Variants in MORC4 observed in about 807,000 individuals in gnomAD.
MORC4 encodes the protein MORC family CW-type zinc finger protein 4.
MORC4 carries 22 observed loss-of-function variants against 65.5 expected under a neutral mutation model. The observed-to-expected ratio is 0.34, with a 90% CI of 0.24 to 0.48. The LOEUF (loss-of-function observed/expected upper bound fraction) is 0.48. MORC4 is among the 20% of genes least tolerant of loss of function. The probability of loss-of-function intolerance (pLI) is 0.99; values close to 1 mark genes in which losing one functional copy is unlikely to be tolerated. For synonymous variants in MORC4, 267 were observed against 255.8 expected, an observed-to-expected ratio of 1.04 and a Z score of -0.42; for missense variants, 624 against 703.0, an observed-to-expected ratio of 0.89 and a Z score of 1.27.
chrX:106,983,768 ATTCCTGGCCTCAAG>A (rs1934796588), intron 5 of MORC4, among the ~76,000 whole-genome samples: 1 of 107,809 alleles, frequency 9.3e-6, no homozygotes, highest in Non-Finnish European at 1.9e-5. Context: ...CTGGTCTCAA[ATTCCTGGCCTCAAG>A]TGATCCTCCT....
intron 5 of MORC4, among the ~76,000 whole-genome samples, chrX:106,984,465 C>CTTTTTTTTTTTTTTTT (rs762110163): frequency 8.4e-5 from 6 of 71,388 alleles, no homozygotes; most frequent in African/African-American, 2.5e-4. Context: ...TTTCTTTTTT[C>CTTTTTTTTTTTTTTTT]TTTTTTTTTT....
chrX:106,983,010 T>C (rs183861621), intron 5 of MORC4, among the ~76,000 whole-genome samples: 2 of 111,608 alleles, frequency 1.8e-5, no homozygotes, highest in East Asian at 5.6e-4. Context: ...CCTTTTGGAT[T>C]TTGAAATATT....
chrX:106,989,553 A>T (rs1934936905), intron 3 of MORC4, among the ~76,000 whole-genome samples: 1 of 111,953 alleles, frequency 8.9e-6, no homozygotes, highest in Admixed American at 9.5e-5. Context: ...TTTTTTCCAA[A>T]TACAAAAGTA....
chrX:106,966,553 T>C (rs1288593550), intron 9 of MORC4, among the ~76,000 whole-genome samples: 1 of 112,644 alleles, frequency 8.9e-6, no homozygotes, highest in African/African-American at 3.2e-5. Context: ...TGAGTGACTG[T>C]ACCTGGAGGA....
intron 9 of MORC4, among the ~76,000 whole-genome samples, chrX:106,966,807 A>C (rs1375325142): frequency 8.9e-6 from 1 of 112,645 alleles, no homozygotes; most frequent in African/African-American, 3.2e-5. Flanking sequence ...AGGGAAGCTC[A>C]AACTGGGCGG....
intron 2 of MORC4, among the ~76,000 whole-genome samples, chrX:106,993,748 T>C (rs184641926): frequency 8.9e-6 from 1 of 112,526 alleles, no homozygotes; most frequent in East Asian, 2.8e-4. Flanking sequence ...AGAGTGGCTA[T>C]GGAGAAAAGC....
At chrX:106,989,428 A>T (rs758318695) in intron 3 of MORC4, among the ~76,000 whole-genome samples, 4 of 112,754 alleles carry the variant, frequency 3.5e-5, no homozygotes, top group Non-Finnish European at 7.5e-5. Context: ...CTATTTTATC[A>T]GCCTGAAAAT....
chrX:106,992,714 T>C (rs1935005316), intron 3 of MORC4, among the ~76,000 whole-genome samples: 1 of 112,114 alleles, frequency 8.9e-6, no homozygotes, highest in African/African-American at 3.2e-5. Context: ...GTGGTTCTAA[T>C]CAATAAATCA....
rs766332625 is a variant in MORC4 at position 106,947,590 on chromosome X, T to A, written c.1686-4385A>T. 6.7e-3 allele frequency among the ~76,000 whole-genome samples: 556 copies of A among 83,263 alleles called. 10 individuals carry two copies. The highest frequency in any genetic ancestry group is 0.029 in the African/African-American group (514 of 17,586). The allele number at this position is 83,263 out of a possible 115,157, so 72.3% of individuals were successfully genotyped here. On this transcript the variant is annotated intron_variant, in intron 14 of 16. Coordinates refer to ENST00000355610, the MANE Select transcript of MORC4 (RefSeq NM_024657.5). ...TATATATTATATATATATATATATATAATATATATATATATAAAACACACT... is the reference window on the plus strand; with the variant it reads ...TATATATTATATATATATATATATAAAATATATATATATATAAAACACACT...
intron 15 of MORC4, 106 bp downstream of exon 15, chrX:106,942,409 C>T (rs983171436): frequency 1.6e-5 from 14 of 882,257 alleles, no homozygotes; most frequent in Middle Eastern, 2.9e-4. Context: ...AGTTCAGGGG[C>T]ATATTTTATT....
At chrX:106,961,340 C>T (rs1232325115) in intron 10 of MORC4, among the ~76,000 whole-genome samples, 3 of 112,306 alleles carry the variant, frequency 2.7e-5, no homozygotes, top group African/African-American at 9.7e-5. Context: ...TACTATATCA[C>T]ACTACCAGTA....
At chrX:106,998,827 A>G (rs891752577) in intron 2 of MORC4, among the ~76,000 whole-genome samples, 2 of 112,579 alleles carry the variant, frequency 1.8e-5, no homozygotes, top group Non-Finnish European at 3.7e-5. Flanking sequence ...GCATGGCCAC[A>G]GCGACTGCTT....
chrX:106,950,931 T>C (rs890336491), intron 14 of MORC4, among the ~76,000 whole-genome samples: 2 of 112,214 alleles, frequency 1.8e-5, no homozygotes, highest in African/African-American at 6.5e-5. Context: ...CTTCCTGAGA[T>C]TTAGAAGATT....
chrX:106,978,624 A>G (rs1245986197), intron 7 of MORC4, among the ~76,000 whole-genome samples: 1 of 109,523 alleles, frequency 9.1e-6, no homozygotes, highest in East Asian at 2.8e-4. Context: ...ACACACGCAC[A>G]CACACACACA....
chrX:106,958,184 G>T (rs949720142), intron 11 of MORC4, 152 bp downstream of exon 11: 2 of 455,751 alleles, frequency 4.4e-6, no homozygotes, highest in East Asian at 4.1e-5. Flanking sequence ...AAGATACCAC[G>T]AAATGTAAGG....
intron 5 of MORC4, 53 bp from the exon 6 acceptor site, chrX:106,981,530 A>G (rs1356884394): frequency 2.0e-5 from 21 of 1,054,812 alleles, no homozygotes; most frequent in Non-Finnish European, 1.1e-5. Flanking sequence ...CAGAGGACAA[A>G]AAAATGCACT....
intron 14 of MORC4, among the ~76,000 whole-genome samples, chrX:106,947,573 A>T (rs868702657): frequency 1.2e-4 from 9 of 72,564 alleles, no homozygotes; most frequent in Non-Finnish European, 1.9e-4. Flanking sequence ...TATATATATT[A>T]TATATATATA....
intron 11 of MORC4, among the ~76,000 whole-genome samples, chrX:106,958,006 CA>C (rs1441735228): frequency 2.7e-5 from 3 of 112,054 alleles, no homozygotes; most frequent in Non-Finnish European, 3.8e-5. Context: ...AAGCATCACA[CA>C]AAACACTTGC....
At chrX:106,998,712 G>C (rs1162721324) in intron 2 of MORC4, among the ~76,000 whole-genome samples, 1 of 111,904 alleles carries the variant, frequency 8.9e-6, no homozygotes, top group Admixed American at 9.5e-5. Flanking sequence ...ATATTGTAAA[G>C]CATTCCGTGT....
Sources: allele counts gnomAD v4.1 joint callset (sites outside exome capture counted in the v4.1 genomes callset), GRCh38; gene constraint gnomAD v4.1.1; transcripts MANE v1.5; gene names NCBI Gene and HGNC (gene_info 2026-07-23, HGNC 2026-07-21).